Variants in TRAPPC8 observed in about 807,000 individuals in gnomAD.
TRAPPC8 encodes the protein trafficking protein particle complex subunit 8.
A neutral mutation model predicts 174.3 loss-of-function variants in TRAPPC8; 54 were observed. The ratio of observed to expected loss-of-function variants is 0.31; its 90% CI spans 0.25 to 0.39. TRAPPC8 has a LOEUF of 0.39. Ranked by LOEUF, TRAPPC8 falls within the 10% of genes least tolerant of loss-of-function variation. The pLI is 1.00. For synonymous variants in TRAPPC8, 630 were observed against 579.9 expected (o/e 1.09, Z -1.24); for missense variants, 1,531 against 1,699.1 (o/e 0.90, Z 1.74).
intron 1 of TRAPPC8, among the ~76,000 whole-genome samples, chr18:31,942,130 G>C (rs2144344430): frequency 6.6e-6 from 1 of 152,306 alleles, no homozygotes; most frequent in Non-Finnish European, 1.5e-5. Flanking sequence ...TTCAGACAGA[G>C]ATGACCCTCA....
At chr18:31,863,628 G>T (rs1408808891) in intron 19 of TRAPPC8, among the ~76,000 whole-genome samples, 7 of 152,184 alleles carry the variant, frequency 4.6e-5, no homozygotes, top group Non-Finnish European at 1.0e-4. Flanking sequence ...ACAATGCAAG[G>T]TCTGAAAAGA....
At chr18:31,900,425 A>G (rs1452383149) in intron 10 of TRAPPC8, among the ~76,000 whole-genome samples, 2 of 152,130 alleles carry the variant, frequency 1.3e-5, no homozygotes, top group Non-Finnish European at 2.9e-5. Flanking sequence ...ACAATTCCTG[A>G]TACGTCTTCA....
At chr18:31,932,797 C>T (rs1424894025) in intron 1 of TRAPPC8, among the ~76,000 whole-genome samples, 9 of 151,794 alleles carry the variant, frequency 5.9e-5, no homozygotes, top group Non-Finnish European at 1.0e-4. Context: ...GCCTGGCCAA[C>T]ATAGTGAAAC....
At chr18:31,841,019 G>A (rs1209248131) in intron 26 of TRAPPC8, among the ~76,000 whole-genome samples, 1 of 151,764 alleles carries the variant, frequency 6.6e-6, no homozygotes, top group Non-Finnish European at 1.5e-5. Context: ...TTCATTTCCA[G>A]AAATCTATCC....
intron 12 of TRAPPC8, among the ~76,000 whole-genome samples, chr18:31,890,281 C>T (rs1598681636): frequency 6.6e-6 from 1 of 152,280 alleles, no homozygotes; most frequent in African/African-American, 2.4e-5. Context: ...CTTCAAGAGA[C>T]AACAGACAGA....
intron 5 of TRAPPC8, among the ~76,000 whole-genome samples, chr18:31,911,242 C>T (rs1468412889): frequency 6.6e-6 from 1 of 152,122 alleles, no homozygotes; most frequent in Non-Finnish European, 1.5e-5. Flanking sequence ...CTAGGCCAGG[C>T]GCTGTGGCTT....
chr18:31,900,012 T>G (rs2036348297), intron 10 of TRAPPC8, among the ~76,000 whole-genome samples: 1 of 150,594 alleles, frequency 6.6e-6, no homozygotes, highest in Non-Finnish European at 1.5e-5. Context: ...CCGAGGTGGG[T>G]GGATCTCTTG....
At chr18:31,834,260 C>T (rs1288978265) in intron 27 of TRAPPC8, among the ~76,000 whole-genome samples, 1 of 151,984 alleles carries the variant, frequency 6.6e-6, no homozygotes, top group African/African-American at 2.4e-5. Context: ...GCGCTCGCCA[C>T]CACACCCGGC....
At chr18:31,886,602 T>C (rs1040962685) in intron 12 of TRAPPC8, among the ~76,000 whole-genome samples, 3 of 152,182 alleles carry the variant, frequency 2.0e-5, no homozygotes, top group Admixed American at 6.5e-5. Flanking sequence ...CGTTTTTTGT[T>C]TTTTTACTGA....
At chr18:31,896,623 T>C (rs564610004) in intron 11 of TRAPPC8, among the ~76,000 whole-genome samples, 1 of 152,074 alleles carries the variant, frequency 6.6e-6, no homozygotes, top group African/African-American at 2.4e-5. Flanking sequence ...TAGATAAATC[T>C]TTGTTGTTGT....
intron 9 of TRAPPC8, among the ~76,000 whole-genome samples, chr18:31,903,304 C>G (rs1210367172): frequency 6.6e-6 from 1 of 152,070 alleles, no homozygotes; most frequent in Non-Finnish European, 1.5e-5. Context: ...TTATCTACGA[C>G]AGTAATATAA....
At chr18:31,902,180 C>G (rs1319395793) in intron 9 of TRAPPC8, among the ~76,000 whole-genome samples, 1 of 152,086 alleles carries the variant, frequency 6.6e-6, no homozygotes, top group Non-Finnish European at 1.5e-5. Flanking sequence ...TGAACACCCT[C>G]AACAGCCAGA....
At chr18:31,847,320 G>C (rs1431099541) in intron 25 of TRAPPC8, among the ~76,000 whole-genome samples, 1 of 152,052 alleles carries the variant, frequency 6.6e-6, no homozygotes, top group Non-Finnish European at 1.5e-5. Flanking sequence ...TTCCAATATA[G>C]TGAGCTGACT....
rs1387212195 is a variant in TRAPPC8, at chr18:31,839,424, T to A, written c.3871A>T (p.Arg1291Trp). 6.2e-7 allele frequency: 1 copy of A among 1,602,372 alleles called. No individual in the cohort carries two copies. The highest frequency in any genetic ancestry group is 8.5e-7 in the Non-Finnish European group (1 of 1,175,726). ...GAGGAAACTGTAATGTTTTCTGGCC[T>A]GAAAAATTTCAATAGTTCCATTTCT... ...PPEMELLKFFRPENITVSSRP... is the reference protein window; with the variant it reads ...PPEMELLKFFWPENITVSSRP... The change falls in exon 27 of 29, where the codon AGG (arginine) becomes TGG (tryptophan). Residue 1291 changes from arginine (R) to tryptophan (W), a missense_variant. Physicochemically the swap from Arg to Trp is moderately radical, Grantham distance 101 (BLOSUM62 -3). Coordinates refer to ENST00000283351, the MANE Select transcript of TRAPPC8 (RefSeq NM_014939.5).
chr18:31,873,253 A>G (rs111676413), intron 14 of TRAPPC8, among the ~76,000 whole-genome samples, 177 bp downstream of exon 14: 2 of 152,018 alleles, frequency 1.3e-5, no homozygotes, highest in Admixed American at 6.6e-5. Flanking sequence ...TCCTGACCTC[A>G]TGATCTGCCG....
Position 31,853,958 on chromosome 18 carries a change from AAGAT to A in TRAPPC8, c.3337-17_3337-14del, listed in dbSNP as rs773729627. On this transcript the variant is annotated splice_polypyrimidine_tract_variant and intron_variant, in intron 21 of 28. Transcript: ENST00000283351. ...CGCCTGCTTCACTCTGTCAAAAAAA[AAGAT>A]AGGAGTCATTCAGGATTTAGAAGCA... 2 of 1,591,926 alleles carry A rather than the reference AAGAT, an allele frequency of 1.3e-6. No homozygotes were observed. The highest frequency in any genetic ancestry group is 2.2e-5 in the East Asian group (1 of 44,654).
At chr18:31,877,102 T>C (rs552294880) in intron 12 of TRAPPC8, among the ~76,000 whole-genome samples, 2 of 152,296 alleles carry the variant, frequency 1.3e-5, no homozygotes, top group African/African-American at 4.8e-5. Flanking sequence ...GACAGTAGCC[T>C]GCCAAAGCCC....
intron 25 of TRAPPC8, among the ~76,000 whole-genome samples, chr18:31,848,245 C>A (rs1304736244): frequency 6.6e-6 from 1 of 152,112 alleles, no homozygotes; most frequent in Non-Finnish European, 1.5e-5. Context: ...TAACTTTCTT[C>A]TTTATGTGAT....
intron 2 of TRAPPC8, among the ~76,000 whole-genome samples, chr18:31,920,474 T>C (rs1160967966): frequency 6.6e-6 from 1 of 152,170 alleles, no homozygotes; most frequent in Non-Finnish European, 1.5e-5. Context: ...TTCATGTTCA[T>C]GCAATACCAG....
Sources: allele counts gnomAD v4.1 joint callset (sites outside exome capture counted in the v4.1 genomes callset), GRCh38; gene constraint gnomAD v4.1.1; transcripts MANE v1.5; gene names NCBI Gene and HGNC (gene_info 2026-07-23, HGNC 2026-07-21).